STUM: variants seen among roughly 807,000 people sequenced by gnomAD.
The protein encoded by STUM is protein stum homolog.
Under a neutral mutation model 15.3 loss-of-function variants are expected in STUM, and 8 were observed. The observed-to-expected ratio is 0.52, with a 90% confidence interval of 0.31 to 0.94. STUM has a LOEUF of 0.94. Among genes scored for constraint, STUM ranks in the 40% least tolerant of loss-of-function variants. The pLI is 0.05. For synonymous variants in STUM, 78 were observed against 88.7 expected (o/e 0.88, Z 0.68); for missense variants, 142 against 204.9 (o/e 0.69, Z 1.87).
intron 1 of STUM, among the ~76,000 whole-genome samples, chr1:226,577,560 C>G (rs540397074): frequency 3.9e-4 from 59 of 152,228 alleles, no homozygotes; most frequent in African/African-American, 1.3e-3. Flanking sequence ...CACGCATGCA[C>G]GCCAGGGACT....
At chr1:226,559,836 G>A (rs1472346817) in intron 1 of STUM, among the ~76,000 whole-genome samples, 2 of 152,190 alleles carry the variant, frequency 1.3e-5, no homozygotes, top group Non-Finnish European at 2.9e-5. Flanking sequence ...AGCCGGGCAT[G>A]GTGGCGGGTG....
chr1:226,558,516 A>G (rs1246137718), intron 1 of STUM, among the ~76,000 whole-genome samples: 1 of 152,154 alleles, frequency 6.6e-6, no homozygotes, highest in Non-Finnish European at 1.5e-5. Flanking sequence ...TTGAAGGGGA[A>G]GGGCACACGT....
chr1:226,593,172 T>G (rs1571811789), intron 1 of STUM, among the ~76,000 whole-genome samples: 3 of 123,120 alleles, frequency 2.4e-5, no homozygotes, highest in Non-Finnish European at 1.6e-5. Context: ...GGGGACAGAG[T>G]GAGACTCCGT....
chr1:226,572,586 G>A (rs965871798), intron 1 of STUM, among the ~76,000 whole-genome samples: 4 of 152,196 alleles, frequency 2.6e-5, no homozygotes, highest in East Asian at 1.9e-4. Context: ...AGGGCCTCCC[G>A]GTGGATTAAG....
At chr1:226,591,200 T>G (rs1353469937) in intron 1 of STUM, among the ~76,000 whole-genome samples, 1 of 152,246 alleles carries the variant, frequency 6.6e-6, no homozygotes, top group African/African-American at 2.4e-5. Flanking sequence ...ATCCATTCAC[T>G]TAATCTCTAC....
rs1268386820 is a variant in STUM at position 226,608,289 on chromosome 1, T to C, written c.*6249T>C. On this transcript the variant is annotated 3_prime_UTR_variant, in exon 4 of 4. Transcript: ENST00000366788. This position sits in a 1 kb window ranked among gnomAD's most constrained non-coding sequence, Gnocchi z 4.0. ...CATTCACCGTTTTCTGGGTTAGCGC[T>C]TGATTGGATGTTTCAAGCAAGGGAC... is the stretch of plus-strand genomic sequence containing the variant. The C allele has an allele frequency of 6.6e-6, 1 of 152,120 alleles. No homozygotes were observed. Among genetic ancestry groups the C allele is most frequent in the African/African-American group, 2.4e-5 (1 of 41,402 alleles). 9.4% of individuals were successfully genotyped at this position (152,120 alleles called of 1,614,324 possible).
intron 1 of STUM, among the ~76,000 whole-genome samples, chr1:226,561,066 C>T (rs949251708): frequency 2.6e-5 from 4 of 152,134 alleles, no homozygotes; most frequent in South Asian, 4.1e-4. Flanking sequence ...TGCCCTCTTC[C>T]GAAAGCCTTT....
At chr1:226,561,482 C>A (rs545762061) in intron 1 of STUM, among the ~76,000 whole-genome samples, 31 of 152,052 alleles carry the variant, frequency 2.0e-4, no homozygotes, top group Non-Finnish European at 3.7e-4. Flanking sequence ...TCTGAGGAGT[C>A]CTTGGTCCCC....
chr1:226,575,341 C>A (rs532328191), intron 1 of STUM, among the ~76,000 whole-genome samples: 7 of 152,376 alleles, frequency 4.6e-5, no homozygotes, highest in African/African-American at 1.7e-4. Context: ...TGACTTCTCA[C>A]CCGAAAGTTG....
chr1:226,588,954 G>A (rs766202291), intron 1 of STUM, among the ~76,000 whole-genome samples: 8 of 152,196 alleles, frequency 5.3e-5, no homozygotes, highest in Non-Finnish European at 1.0e-4. Flanking sequence ...CAACTCCTCC[G>A]GAGAAGTGAG....
intron 1 of STUM, among the ~76,000 whole-genome samples, chr1:226,576,655 C>A (rs1159286983): frequency 6.6e-6 from 1 of 152,186 alleles, no homozygotes; most frequent in Admixed American, 6.5e-5. Context: ...TGCTGTGCAA[C>A]CATCACCACC....
rs1667640001 is a variant in STUM, at chr1:226,567,283, C to G, written c.202+18177C>G. On this transcript the variant is annotated intron_variant, in intron 1 of 3. Transcript: ENST00000366788. The surrounding 1 kb of genome is among the most constrained non-coding windows in gnomAD (Gnocchi z 4.5). The stretch of plus-strand genomic sequence containing the variant: ...GAGCTATCCAACGGGTGGTGACGGC[C>G]CCGCGGGCTCTTTTCTCAAACCAGA... 3.3e-5 allele frequency among the ~76,000 whole-genome samples: 5 copies of G among 152,160 alleles called. No individual in the cohort carries two copies. The highest frequency in any genetic ancestry group is 2.6e-4 in the Admixed American group (4 of 15,268).
intron 1 of STUM, among the ~76,000 whole-genome samples, chr1:226,575,740 T>C (rs1667797982): frequency 6.6e-6 from 1 of 152,242 alleles, no homozygotes; most frequent in Admixed American, 6.5e-5. Context: ...CAGCTCCTTT[T>C]AGGCATGTGG....
chr1:226,590,966 C>T (rs925520971), intron 1 of STUM, among the ~76,000 whole-genome samples: 1 of 152,172 alleles, frequency 6.6e-6, no homozygotes, highest in African/African-American at 2.4e-5. Context: ...GCGGGGGTGG[C>T]AAGTTCCCAT....
rs576686024 is a variant in STUM at position 226,569,439 on chromosome 1, CATG to C, written c.202+20334_202+20336del. ...GAGTCTTCACTCAGCTCCGCACCTC[CATG>C]GCTGGTACAATACCTGGCTTGTAGC... On this transcript the variant is annotated intron_variant, in intron 1 of 3. Transcript: ENST00000366788. 9.0e-4 allele frequency among the ~76,000 whole-genome samples: 137 copies of C among 152,324 alleles called. 1 individual carries two copies. Among genetic ancestry groups the C allele is most frequent in the African/African-American group, 3.2e-3 (132 of 41,572 alleles).
chr1:226,557,323 A>G (rs528469332), intron 1 of STUM, among the ~76,000 whole-genome samples: 2 of 152,320 alleles, frequency 1.3e-5, no homozygotes, highest in East Asian at 3.8e-4. Flanking sequence ...TTTAAGGCTG[A>G]ATATTTATAT....
chr1:226,559,046 T>C (rs1186565264), intron 1 of STUM, among the ~76,000 whole-genome samples: 1 of 152,234 alleles, frequency 6.6e-6, no homozygotes, highest in Non-Finnish European at 1.5e-5. Flanking sequence ...GGATTCACCA[T>C]GCATTTATTT....
chr1:226,554,052 A>G (rs1056516327), intron 1 of STUM, among the ~76,000 whole-genome samples: 6 of 152,144 alleles, frequency 3.9e-5, no homozygotes, highest in African/African-American at 1.4e-4. Context: ...TCCCCTGTCC[A>G]CTGATACCCG....
At chr1:226,601,651 A>AGCCT (rs1445900830) in intron 3 of STUM, among the ~76,000 whole-genome samples, 1 of 152,110 alleles carries the variant, frequency 6.6e-6, no homozygotes, top group African/African-American at 2.4e-5. Context: ...CCTTCGGGGA[A>AGCCT]GCCTGCCTGG....
Sources: allele counts gnomAD v4.1 joint callset (sites outside exome capture counted in the v4.1 genomes callset), GRCh38; gene constraint gnomAD v4.1.1; non-coding constraint Gnocchi (gnomAD v3.1); transcripts MANE v1.5; gene names NCBI Gene and HGNC (gene_info 2026-07-23, HGNC 2026-07-21).